The following SPOCK3 variants were observed in gnomAD, a reference collection of about 807,000 sequenced individuals.
The protein encoded by SPOCK3 is testican-3.
A neutral mutation model predicts 56.6 loss-of-function variants in SPOCK3; 30 were observed. The observed-to-expected ratio is 0.53, with a 90% CI of 0.40 to 0.72. SPOCK3 has a LOEUF of 0.72. Among genes scored for constraint, SPOCK3 ranks in the 30% least tolerant of loss-of-function variants. SPOCK3 has a pLI of 0.00. For missense variants in SPOCK3, 527 were observed against 530.0 expected (o/e 0.99, Z 0.06); for synonymous variants, 196 against 183.3 (o/e 1.07, Z -0.56).
At chr4:166,952,761 G>A (rs1481342337) in intron 4 of SPOCK3, among the ~76,000 whole-genome samples, 1 of 152,096 alleles carries the variant, frequency 6.6e-6, no homozygotes, top group Non-Finnish European at 1.5e-5. Context: ...ACAGAACAGA[G>A]CCCTCAGAAA....
At chr4:167,000,885 A>T (rs1748883382) in intron 3 of SPOCK3, among the ~76,000 whole-genome samples, 2 of 152,196 alleles carry the variant, frequency 1.3e-5, no homozygotes, top group South Asian at 4.1e-4. Context: ...GACAAAATGA[A>T]CAAACAAAAA....
At position 167,022,095 on chromosome 4, in the gene SPOCK3, T is replaced by C. The variant is rs184065774; in HGVS notation, c.236-21632A>G. Among the ~76,000 whole-genome samples, 306 of 152,080 alleles carry C rather than the reference T, an allele frequency of 2.0e-3. 2 individuals carry two copies. Among genetic ancestry groups the C allele is most frequent in the Non-Finnish European group, 2.7e-3 (181 of 67,966 alleles). ...TGGAGCACAGTGTGATACCCGAACG[T>C]CATTTGGATGTGCTGTTCCCATCTA... On this transcript the variant is annotated intron_variant, in intron 3 of 10. Transcript: ENST00000357545.
At chr4:166,935,357 C>T (rs778277693) in intron 4 of SPOCK3, among the ~76,000 whole-genome samples, 5 of 152,054 alleles carry the variant, frequency 3.3e-5, no homozygotes, top group South Asian at 2.1e-4. Context: ...GTCCAACGGG[C>T]GAAATGGTAG....
chr4:166,989,093 C>T (rs1282144190), intron 4 of SPOCK3, among the ~76,000 whole-genome samples: 1 of 151,984 alleles, frequency 6.6e-6, no homozygotes, highest in Non-Finnish European at 1.5e-5. Flanking sequence ...TACTCTACCC[C>T]TACAGATGTA....
chr4:167,088,460 A>ATTTTTTTTTTTTTTTTTTT (rs1758400479), intron 2 of SPOCK3, among the ~76,000 whole-genome samples: 1 of 142,086 alleles, frequency 7.0e-6, no homozygotes, highest in African/African-American at 2.7e-5. Flanking sequence ...ACCTATGAAA[A>ATTTTTTTTTTTTTTTTTTT]CTTTTTTTTT....
intron 4 of SPOCK3, among the ~76,000 whole-genome samples, chr4:166,929,524 A>G (rs1433646221): frequency 6.7e-6 from 1 of 148,876 alleles, no homozygotes; most frequent in Non-Finnish European, 1.5e-5. Context: ...TTAACTCCAA[A>G]GAGCAAGATT....
chr4:167,020,011 A>G (rs35118956), intron 3 of SPOCK3, among the ~76,000 whole-genome samples: 3,999 of 152,200 alleles, frequency 0.026, 83 homozygotes, highest in Middle Eastern at 0.061. Flanking sequence ...GCCCCCCTGA[A>G]CTTGGAAATA....
intron 4 of SPOCK3, among the ~76,000 whole-genome samples, chr4:166,988,712 A>G (rs771320249): frequency 3.9e-5 from 6 of 152,106 alleles, no homozygotes; most frequent in Non-Finnish European, 5.9e-5. Flanking sequence ...ACTCCTAGCT[A>G]TGGCAATTAT....
chr4:167,218,770 C>A (rs920564935), intron 2 of SPOCK3, among the ~76,000 whole-genome samples: 1 of 151,964 alleles, frequency 6.6e-6, no homozygotes, highest in Admixed American at 6.6e-5. Flanking sequence ...GACAAAAAAA[C>A]TTTAAATTCT....
chr4:166,742,085 T>A, intron 8 of SPOCK3, 26 bp from the exon 9 acceptor site: 9 of 1,545,640 alleles, frequency 5.8e-6, no homozygotes, highest in Non-Finnish European at 8.0e-6. Flanking sequence ...AAATGTTACT[T>A]CAAGGATTCT....
chr4:166,788,172 A>T (rs114419040), intron 7 of SPOCK3, among the ~76,000 whole-genome samples: 5,986 of 149,846 alleles, frequency 0.04, 176 homozygotes, highest in Non-Finnish European at 0.061. Flanking sequence ...ACAGAGTGAG[A>T]CTCCATTTAA....
intron 6 of SPOCK3, among the ~76,000 whole-genome samples, chr4:166,886,279 A>C (rs1734195586): frequency 1.3e-5 from 2 of 152,112 alleles, no homozygotes; most frequent in African/African-American, 2.4e-5. Flanking sequence ...GCAATTGAAC[A>C]GTACGTTAAC....
In SPOCK3 at chr4:166,889,112, T is replaced by C. The variant is rs377335713; in HGVS notation, c.589+18A>G. 7.8e-6 allele frequency: 11 copies of C among 1,412,984 alleles called. No homozygotes were observed. The South Asian group carries it at 1.0e-4, about 13-fold the overall frequency. 87.5% of individuals were successfully genotyped at this position (1,412,984 alleles called of 1,614,324 possible). A position where few individuals can be genotyped will look rare whatever the true frequency, so the allele number is the denominator to read the frequency against. Reference sequence around the variant, plus strand: ...AGAGTGATGAATGTAAAATTATAAATATATTTTTGTCACTTACCTCTCTTA... The same window carrying C: ...AGAGTGATGAATGTAAAATTATAAACATATTTTTGTCACTTACCTCTCTTA... On this transcript the variant is annotated intron_variant, in intron 6 of 10. Coordinates refer to ENST00000357545, the MANE Select transcript of SPOCK3 (RefSeq NM_001040159.2).
At position 167,234,467 on chromosome 4, in the gene SPOCK3, C is replaced by T. The variant is rs933586077; in HGVS notation, c.-18G>A. On this transcript the variant is annotated 5_prime_UTR_variant, in exon 1 of 11. The change creates a new upstream start codon in the 5' untranslated region. Coordinates refer to ENST00000357545, the MANE Select transcript of SPOCK3 (RefSeq NM_001040159.2). ...CACATCACCTTGTTGTGAGCCAGCA[C>T]TGTGCTCGCAGCTCCTGCTGGAAAT... The T allele has an allele frequency of 3.5e-5, 16 of 460,130 alleles. No homozygotes were observed. The highest frequency in any genetic ancestry group is 6.3e-5 in the Non-Finnish European group (16 of 252,942). The allele number at this position is 460,130 out of a possible 1,614,324, so 28.5% of individuals were successfully genotyped here.
In SPOCK3 at chr4:167,034,220, A is replaced by G. The variant is rs1408068845; in HGVS notation, c.235+28272T>C. ...AAAAATATTTTAATATACATACACA[A>G]AATTGTATTTACTATTTTTTCTTGT... On this transcript the variant is annotated intron_variant, in intron 3 of 10. Coordinates refer to ENST00000357545, the MANE Select transcript of SPOCK3 (RefSeq NM_001040159.2). Among the ~76,000 whole-genome samples, 10 of 152,134 alleles carry G rather than the reference A, an allele frequency of 6.6e-5. No homozygotes were observed. In the East Asian group the frequency reaches 1.9e-3, roughly 29 times the overall value.
intron 3 of SPOCK3, among the ~76,000 whole-genome samples, chr4:167,025,642 A>G (rs1751629024): frequency 6.6e-6 from 1 of 152,068 alleles, no homozygotes; most frequent in Non-Finnish European, 1.5e-5. Context: ...CTTCAGACCA[A>G]GAGTGTGTTA....
intron 2 of SPOCK3, among the ~76,000 whole-genome samples, chr4:167,160,838 T>C (rs931358583): frequency 1.7e-4 from 26 of 152,282 alleles, no homozygotes; most frequent in Non-Finnish European, 3.2e-4. Context: ...GCTAGCCATA[T>C]GTAGAAAGCT....
At chr4:166,885,826 T>C (rs965020033) in intron 6 of SPOCK3, among the ~76,000 whole-genome samples, 3 of 152,168 alleles carry the variant, frequency 2.0e-5, no homozygotes, top group African/African-American at 7.2e-5. Context: ...GTTTGAACTT[T>C]GGAATACCCA....
intron 7 of SPOCK3, among the ~76,000 whole-genome samples, chr4:166,781,783 TA>T (rs1740205387): frequency 6.6e-6 from 1 of 151,996 alleles, no homozygotes; most frequent in South Asian, 2.1e-4. Context: ...CTAAAATAGT[TA>T]CATATTTCAT....
Sources: gnomAD v4.1 joint callset for allele counts (sites outside exome capture counted in the v4.1 genomes callset) on GRCh38, gnomAD v4.1.1 for gene constraint, MANE v1.5 for transcripts, NCBI Gene and HGNC (gene_info 2026-07-23, HGNC 2026-07-21) for gene names.